Variants in FBXL17 observed in about 807,000 individuals in gnomAD.
The protein encoded by FBXL17 is F-box and leucine rich repeat protein 17, also known as F-box/LRR-repeat protein 17.
FBXL17 carries 22 observed loss-of-function variants against 66.2 expected under a neutral mutation model. The observed-to-expected ratio is 0.33, with a 90% CI of 0.24 to 0.47. The LOEUF (loss-of-function observed/expected upper bound fraction) is 0.47. FBXL17 is among the 20% of genes least tolerant of loss of function. The pLI is 1.00. For missense variants in FBXL17, 878 were observed against 948.2 expected, an observed-to-expected ratio of 0.93 and a Z score of 0.97; for synonymous variants, 474 against 400.5, an observed-to-expected ratio of 1.18 and a Z score of -2.19.
chr5:107,948,083 C>T (rs527570379), intron 7 of FBXL17, among the ~76,000 whole-genome samples: 2 of 152,118 alleles, frequency 1.3e-5, no homozygotes, highest in Admixed American at 6.5e-5. Flanking sequence ...AGAGAAACAT[C>T]TCTCAAGGCA....
rs1440264808 is a variant in FBXL17, at chr5:108,364,764, T to C, written c.1348A>G (p.Lys450Glu). The C allele has an allele frequency of 6.2e-7, 1 of 1,612,434 alleles. No individual in the cohort carries two copies. ...TGCTTGAGTCCTTCATCAGTGAGTT[T>C]GTCCTGGTTGCCTACATGCACTTTC... ...LQKVHVGNQD[K>E]LTDEGLKQLG... Residue 450 changes from lysine to glutamate, a missense_variant, in exon 3 of 9, where the codon AAA becomes GAA. By Grantham distance (56) the Lys-to-Glu change is moderately conservative. This residue lies in a region of FBXL17 where 236 missense variants were observed against 389.1 expected (regional missense o/e 0.61). Transcript: ENST00000542267.
At chr5:108,151,439 C>T (rs1016494840) in intron 6 of FBXL17, among the ~76,000 whole-genome samples, 1 of 152,166 alleles carries the variant, frequency 6.6e-6, no homozygotes, top group African/African-American at 2.4e-5. Context: ...TGTCACATCT[C>T]CAGTGTTCTG....
chr5:108,105,359 G>A (rs1292197565), intron 6 of FBXL17, among the ~76,000 whole-genome samples: 3 of 152,206 alleles, frequency 2.0e-5, no homozygotes, highest in Non-Finnish European at 2.9e-5. Flanking sequence ...GATTGTAATT[G>A]TGTCAATTTG....
chr5:108,146,716 A>G (rs1460397831), intron 6 of FBXL17, among the ~76,000 whole-genome samples: 1 of 152,130 alleles, frequency 6.6e-6, no homozygotes, highest in Non-Finnish European at 1.5e-5. Flanking sequence ...CTATCTCCAC[A>G]CAGAGGAGGA....
At chr5:108,044,197 G>A (rs1014296012) in intron 6 of FBXL17, among the ~76,000 whole-genome samples, 2 of 151,966 alleles carry the variant, frequency 1.3e-5, no homozygotes, top group African/African-American at 2.4e-5. Context: ...CAACTGCACT[G>A]GCTAGAACTT....
chr5:108,140,800 C>T (rs10058163), intron 6 of FBXL17, among the ~76,000 whole-genome samples: 17,791 of 152,048 alleles, frequency 0.12, 1,280 homozygotes, highest in Middle Eastern at 0.18. Context: ...AATGGTACCA[C>T]CCAATTACAC....
rs114141815 is a variant in FBXL17, at chr5:108,153,549, T to C, written c.1745+32568A>G. ...TATAAGTAATGAGAAAATAAGAATTTAAGATAAAGTTTTATTGTAGAGACC... is the reference window on the plus strand; with the variant it reads ...TATAAGTAATGAGAAAATAAGAATTCAAGATAAAGTTTTATTGTAGAGACC... On this transcript the variant is annotated intron_variant, in intron 6 of 8. Coordinates refer to ENST00000542267, the MANE Select transcript of FBXL17 (RefSeq NM_001163315.3). 4.2e-3 allele frequency among the ~76,000 whole-genome samples: 646 copies of C among 152,280 alleles called. 3 individuals carry two copies. The highest frequency in any genetic ancestry group is 0.015 in the African/African-American group (617 of 41,546).
At chr5:107,981,989 T>A (rs1354109982) in intron 7 of FBXL17, among the ~76,000 whole-genome samples, 4 of 152,288 alleles carry the variant, frequency 2.6e-5, no homozygotes, top group African/African-American at 9.6e-5. Flanking sequence ...ATATTATACA[T>A]GATTGCTAGT....
At chr5:108,378,482 T>C (rs140707490) in intron 1 of FBXL17, among the ~76,000 whole-genome samples, 103 of 146,626 alleles carry the variant, frequency 7.0e-4, no homozygotes, top group Non-Finnish European at 1.0e-3. Context: ...ATAGTGATGA[T>C]AGACTTGTGC....
intron 4 of FBXL17, among the ~76,000 whole-genome samples, chr5:108,347,898 CATGT>C (rs1388705327): frequency 1.4e-4 from 21 of 152,172 alleles, no homozygotes; most frequent in African/African-American, 4.8e-4. Flanking sequence ...CTGCATTACC[CATGT>C]ATGTGCTTAA....
At chr5:108,343,937 G>C (rs1165743630) in intron 4 of FBXL17, among the ~76,000 whole-genome samples, 1 of 152,112 alleles carries the variant, frequency 6.6e-6, no homozygotes, top group South Asian at 2.1e-4. Flanking sequence ...CTTGTGTTTT[G>C]TGGCAATGAA....
At chr5:108,075,978 T>C (rs1299327741) in intron 6 of FBXL17, among the ~76,000 whole-genome samples, 1 of 152,172 alleles carries the variant, frequency 6.6e-6, no homozygotes, top group Non-Finnish European at 1.5e-5. Flanking sequence ...ATCCCAAATG[T>C]TTTTCAAATC....
At chr5:108,054,179 T>C (rs1232875321) in intron 6 of FBXL17, among the ~76,000 whole-genome samples, 1 of 151,558 alleles carries the variant, frequency 6.6e-6, no homozygotes, top group Admixed American at 6.6e-5. Context: ...TCATGGCACA[T>C]GTGTACCTGT....
chr5:107,932,873 A>T, intron 7 of FBXL17, among the ~76,000 whole-genome samples: 1 of 152,052 alleles, frequency 6.6e-6, no homozygotes, highest in Non-Finnish European at 1.5e-5. Context: ...TAAGAAATAC[A>T]TAAGATGTCT....
At chr5:108,034,666 T>G (rs1746770563) in intron 6 of FBXL17, among the ~76,000 whole-genome samples, 1 of 152,124 alleles carries the variant, frequency 6.6e-6, no homozygotes, top group African/African-American at 2.4e-5. Context: ...ACCTTAGAAG[T>G]TTTCAAATGA....
intron 4 of FBXL17, among the ~76,000 whole-genome samples, chr5:108,266,396 A>G (rs2150132083): frequency 6.6e-6 from 1 of 152,188 alleles, no homozygotes; most frequent in South Asian, 2.1e-4. Context: ...GCTCTATTCC[A>G]CCCAGGTCAT....
chr5:108,025,727 GCA>G (rs34719664), intron 6 of FBXL17, among the ~76,000 whole-genome samples: 6,493 of 140,946 alleles, frequency 0.046, 418 homozygotes, highest in African/African-American at 0.14. Context: ...ACGCGCGCGC[GCA>G]CACACACACA....
chr5:108,055,956 A>G (rs574973975), intron 6 of FBXL17, among the ~76,000 whole-genome samples: 1 of 152,220 alleles, frequency 6.6e-6, no homozygotes, highest in South Asian at 2.1e-4. Context: ...AAGGTTATAG[A>G]GAGACTAAGA....
chr5:107,908,208 CA>C (rs573675256), intron 7 of FBXL17, among the ~76,000 whole-genome samples: 1,686 of 152,292 alleles, frequency 0.011, 14 homozygotes, highest in Non-Finnish European at 0.016. Context: ...AAAAAGCAAA[CA>C]AATAACCAAC....
Sources: allele counts gnomAD v4.1 joint callset (sites outside exome capture counted in the v4.1 genomes callset), GRCh38; gene constraint gnomAD v4.1.1; regional missense constraint gnomAD v4.1.1; transcripts MANE v1.5; gene names NCBI Gene and HGNC (gene_info 2026-07-23, HGNC 2026-07-21).